PANK2: variants seen among roughly 807,000 people sequenced by gnomAD.
The protein encoded by PANK2 is pantothenate kinase 2, mitochondrial.
In PANK2, 36 loss-of-function variants were observed where a neutral mutation model predicts 43.1. The observed-to-expected ratio is 0.84, with a 90% CI of 0.64 to 1.10. The LOEUF is 1.10. PANK2 is among the 50% of genes least tolerant of loss of function. PANK2 has a pLI of 0.00. For missense variants in PANK2, 576 were observed against 593.3 expected (o/e 0.97, Z 0.30); for synonymous variants, 281 against 238.2 (o/e 1.18, Z -1.66).
chr20:3,908,043 G>C lies in PANK2; in HGVS notation c.416G>C (p.Arg139Pro). The C allele has an allele frequency of 6.2e-7, 1 of 1,614,102 alleles. No homozygotes were observed. Among genetic ancestry groups the C allele is most frequent in the Non-Finnish European group, 8.5e-7 (1 of 1,180,026 alleles). Residue 139 changes from arginine to proline, a missense_variant, in exon 2 of 7, where the codon CGG becomes CCG. Transcript: ENST00000610179. ...GAAGTGGAAAGTCTTAAAAGCATTC[G>C]GAAGTACCTGACCTCCAATGTGGCT... is the stretch of plus-strand genomic sequence containing the variant.
At chr20:3,888,895 A>G, upstream of PANK2, 1 of 521,540 alleles carries the variant, frequency 1.9e-6, no homozygotes, top group Non-Finnish European at 3.4e-6. Context: ...GCCGAGGGAC[A>G]AAGGCTAAGG....
rs1275441563 is a variant in PANK2, at chr20:3,889,504, G to T, written c.74G>T (p.Arg25Leu). ...GGCCGGCTCGGCGCGCCCATGGAGCGCCACGGCAGGGCTTCCGCCACCTCC... is the reference window on the plus strand; with the variant it reads ...GGCCGGCTCGGCGCGCCCATGGAGCTCCACGGCAGGGCTTCCGCCACCTCC... Residue 25 changes from arginine to leucine, a missense_variant, in exon 1 of 7, where the codon CGC becomes CTC. This residue lies in a region of PANK2 where 544 missense variants were observed against 528.9 expected (regional missense o/e 1.03). Transcript: ENST00000610179. 14 of 1,457,616 alleles carry T rather than the reference G, an allele frequency of 9.6e-6. No individual in the cohort carries two copies. The allele number at this position is 1,457,616 out of a possible 1,614,324, so 90.3% of individuals were successfully genotyped here.
At chr20:3,908,812 A>AC in intron 2 of PANK2, 1 of 166,508 alleles carries the variant, frequency 6.0e-6, no homozygotes, top group Non-Finnish European at 1.3e-5. Context: ...TCTGTGCTGC[A>AC]CACTTAACTG....
At chr20:3,909,377 G>A (rs915343939) in intron 2 of PANK2, among the ~76,000 whole-genome samples, 2 of 152,102 alleles carry the variant, frequency 1.3e-5, no homozygotes, top group African/African-American at 4.8e-5. Flanking sequence ...ACCTTGCCCG[G>A]CCCAGATTCT....
At position 3,912,632 on chromosome 20, in the gene PANK2, A is replaced by C. The variant is rs1466812325; in HGVS notation, c.1080A>C (p.Ser360=). ...GACTGCCAGGCTGGGCTGTGGCTTC[A>C]AGGTAAGGGGGCATGTGTGTTCTAA... The change falls in exon 4 of 7, where the codon TCA becomes TCC. Residue 360 remains serine, a splice_region_variant and synonymous_variant. Transcript: ENST00000610179. 63 of 1,613,878 alleles carry C rather than the reference A, an allele frequency of 3.9e-5. No individual in the cohort carries two copies. Among genetic ancestry groups the C allele is most frequent in the Non-Finnish European group, 5.3e-5 (63 of 1,179,980 alleles).
At chr20:3,890,949 A>G (rs778081514) in intron 1 of PANK2, among the ~76,000 whole-genome samples, 4 of 152,208 alleles carry the variant, frequency 2.6e-5, no homozygotes, top group Non-Finnish European at 4.4e-5. Context: ...AAAATATGAG[A>G]TCCTTCATGG....
chr20:3,901,219 A>T (rs904082644), intron 1 of PANK2, among the ~76,000 whole-genome samples: 30 of 149,648 alleles, frequency 2.0e-4, no homozygotes, highest in African/African-American at 7.1e-4. Context: ...ATCATACCTA[A>T]ATTTTTTTTT....
chr20:3,901,614 T>C (rs991059406), intron 1 of PANK2: 9 of 981,216 alleles, frequency 9.2e-6, no homozygotes, highest in Non-Finnish European at 1.1e-5. Context: ...TATGTCGAAA[T>C]CATGTAAGTA....
At chr20:3,890,443 C>G (rs1310442358) in intron 1 of PANK2, among the ~76,000 whole-genome samples, 1 of 152,192 alleles carries the variant, frequency 6.6e-6, no homozygotes, top group African/African-American at 2.4e-5. Flanking sequence ...AATCCGTTTC[C>G]CCATTTTATT....
chr20:3,889,729 G>GT lies in PANK2; in HGVS notation c.298+2dup, dbSNP rs1309365137. On this transcript the variant is annotated splice_donor_variant, in intron 1 of 6. Coordinates refer to ENST00000610179, the MANE Select transcript of PANK2 (RefSeq NM_001386393.1). LOFTEE classifies it high-confidence loss of function. ...GAAAGCCTGAGGAAAAAGCGGCCGC[G>GT]TAAGTGTTCCGTGGGGCGCCCTCCC... The GT allele has an allele frequency of 2.5e-6, 4 of 1,595,348 alleles. No homozygotes were observed. Among genetic ancestry groups the GT allele is most frequent in the Non-Finnish European group, 3.4e-6 (4 of 1,179,022 alleles).
rs1365418086 is a variant in PANK2 at position 3,926,710 on chromosome 20, C to CG, written c.*3419dup. On this transcript the variant is annotated 3_prime_UTR_variant, in exon 7 of 7. Transcript: ENST00000610179. ...ATCCCAGCACTTTGGAAGGCCAAGG[C>CG]GGGTGGATCACCTGAGGTCAGGAGT... 1 of 152,288 alleles carries CG rather than the reference C, an allele frequency of 6.6e-6. No individual in the cohort carries two copies. The highest frequency in any genetic ancestry group is 1.5e-5 in the Non-Finnish European group (1 of 68,280). 9.4% of individuals were successfully genotyped at this position (152,288 alleles called of 1,614,324 possible). A position where few individuals can be genotyped will look rare whatever the true frequency, so the allele number is the denominator to read the frequency against.
intron 4 of PANK2, 54 bp from the exon 5 acceptor site, chr20:3,916,873 G>C: frequency 6.2e-7 from 1 of 1,611,034 alleles, no homozygotes; most frequent in Non-Finnish European, 8.5e-7. Context: ...TTCAAGTTCT[G>C]TTGGGCTTTG....
At chr20:3,892,388 C>T (rs994273928) in intron 1 of PANK2, among the ~76,000 whole-genome samples, 12 of 151,732 alleles carry the variant, frequency 7.9e-5, no homozygotes, top group Admixed American at 3.3e-4. Flanking sequence ...ACTGCCGAAC[C>T]CTCCTAGAGT....
chr20:3,912,731 C>G (rs984982482), intron 4 of PANK2, 97 bp downstream of exon 4: 1 of 1,356,608 alleles, frequency 7.4e-7, no homozygotes, highest in African/African-American at 1.4e-5. Context: ...ATGGGCAGAT[C>G]ATGAGGTCAG....
At position 3,905,350 on chromosome 20, in the gene PANK2, C is replaced by CTTTT. The variant is rs34914526; in HGVS notation, c.299-2561_299-2558dup. On this transcript the variant is annotated intron_variant, in intron 1 of 6. Coordinates refer to ENST00000610179, the MANE Select transcript of PANK2 (RefSeq NM_001386393.1). ...AAACCTAGTTCTGCTGCTGCTATCTCTTTTTTTTTTTTTTTTTTGAGACGG... is the reference window on the plus strand; with the variant it reads ...AAACCTAGTTCTGCTGCTGCTATCTCTTTTTTTTTTTTTTTTTTTTTTGAGACGG... Among the ~76,000 whole-genome samples the CTTTT allele has an allele frequency of 1.2e-3, 162 of 134,388 alleles. 1 individual carries two copies. Among genetic ancestry groups the CTTTT allele is most frequent in the Non-Finnish European group, 2.0e-3 (125 of 63,392 alleles). The allele number at this position is 134,388 out of a possible 152,430, so 88.2% of individuals were successfully genotyped here. A position where few individuals can be genotyped will look rare whatever the true frequency, so the allele number is the denominator to read the frequency against.
At chr20:3,917,144 G>A (rs1295564481) in intron 5 of PANK2, 94 bp downstream of exon 5, 19 of 1,513,926 alleles carry the variant, frequency 1.3e-5, no homozygotes, top group Admixed American at 3.4e-5. Flanking sequence ...GTGCCTAAAT[G>A]TAGTCATTTG....
chr20:3,912,490 G>A lies in PANK2; in HGVS notation c.938G>A (p.Cys313Tyr). The change falls in exon 4 of 7, where the codon TGT (cysteine) becomes TAT (tyrosine). Residue 313 changes from cysteine (C) to tyrosine (Y), a missense_variant. This residue lies in a region of PANK2 where 544 missense variants were observed against 528.9 expected (regional missense o/e 1.03). Coordinates refer to ENST00000610179, the MANE Select transcript of PANK2 (RefSeq NM_001386393.1). ...GGAGGAACTTTTTTTGGTCTCTGCT[G>A]TCTTCTTACTGGCTGTACCACTTTT... The A allele has an allele frequency of 6.2e-7, 1 of 1,614,152 alleles. No individual in the cohort carries two copies. The highest frequency in any genetic ancestry group is 8.5e-7 in the Non-Finnish European group (1 of 1,180,024).
In PANK2 at chr20:3,923,644, T is replaced by C. The variant is rs2090680961; in HGVS notation, c.*350T>C. 1 of 363,504 alleles carries C rather than the reference T, an allele frequency of 2.8e-6. No homozygotes were observed. The highest frequency in any genetic ancestry group is 4.1e-5 in the Admixed American group (1 of 24,470). The allele number at this position is 363,504 out of a possible 1,614,324, so 22.5% of individuals were successfully genotyped here. A position where few individuals can be genotyped will look rare whatever the true frequency, so the allele number is the denominator to read the frequency against. ...CAGTTGACTGGTTTTGTGTCCTGTTTGAACTTGCTGAATGTAAGGCAGGCT... is the reference window on the plus strand; with the variant it reads ...CAGTTGACTGGTTTTGTGTCCTGTTCGAACTTGCTGAATGTAAGGCAGGCT... On this transcript the variant is annotated 3_prime_UTR_variant, in exon 7 of 7. Transcript: ENST00000610179.
rs770188135 is a variant in PANK2 at position 3,889,698 on chromosome 20, C to T, written c.268C>T (p.Arg90Cys). Residue 90 changes from arginine to cysteine, a missense_variant, in exon 1 of 7, where the codon CGC becomes TGC. Arg to Cys is a radical substitution (Grantham distance 180). Transcript: ENST00000610179. ...CGGCCCCACCTCGGTCTCCCGCCAGCGCGTCGAAAGCCTGAGGAAAAAGCG... is the reference window on the plus strand; with the variant it reads ...CGGCCCCACCTCGGTCTCCCGCCAGTGCGTCGAAAGCCTGAGGAAAAAGCG... 1 of 1,596,098 alleles carries T rather than the reference C, an allele frequency of 6.3e-7. No homozygotes were observed. Among genetic ancestry groups the T allele is most frequent in the Non-Finnish European group, 8.5e-7 (1 of 1,179,034 alleles).
Sources: gnomAD v4.1 joint callset for allele counts (sites outside exome capture counted in the v4.1 genomes callset) on GRCh38, gnomAD v4.1.1 for gene constraint, gnomAD v4.1.1 regional missense constraint, MANE v1.5 for transcripts, NCBI Gene and HGNC (gene_info 2026-07-23, HGNC 2026-07-21) for gene names.